The following PDZD7 variants were observed in gnomAD, a reference collection of about 807,000 sequenced individuals.
PDZD7 encodes PDZ domain containing 7, also known as PDZ domain-containing protein 7.
A neutral mutation model predicts 84.7 loss-of-function variants in PDZD7; 72 were observed. The observed-to-expected ratio is 0.85, with a 90% CI of 0.70 to 1.03. The LOEUF (loss-of-function observed/expected upper bound fraction) is 1.03, where lower values mean the gene tolerates loss of function less well. PDZD7 is among the 50% of genes least tolerant of loss of function. The probability of loss-of-function intolerance (pLI) is 0.00; values close to 1 mark genes in which losing one functional copy is unlikely to be tolerated. For missense variants in PDZD7, 1,490 were observed against 1,412.9 expected (o/e 1.05, Z -0.87); for synonymous variants, 594 against 580.7 (o/e 1.02, Z -0.33).
chr10:101,022,627 C>G (rs1432201320), intron 4 of PDZD7, among the ~76,000 whole-genome samples: 1 of 150,000 alleles, frequency 6.7e-6, no homozygotes, highest in Non-Finnish European at 1.5e-5. Context: ...CAGGGTCTTG[C>G]TCTGTCCACC....
Position 101,010,762 on chromosome 10 carries a change from G to A in PDZD7, c.2127C>T (p.His709=), listed in dbSNP as rs1445111982. The change falls in exon 15 of 17, where the codon CAC becomes CAT. Residue 709 remains histidine, a synonymous_variant. Transcript: ENST00000619208. ...GTAGAGGGGGGATCCCTTTATGGGG[G>A]TGGCGAGGGGCAGAGGCACTTGGGG... is the stretch of plus-strand genomic sequence containing the variant. The part of the protein sequence containing the change: ...KVSPSASAPR[H]PHKGIPPLQD... 39 of 1,534,744 alleles carry A rather than the reference G, an allele frequency of 2.5e-5. No individual in the cohort carries two copies. The highest frequency in any genetic ancestry group is 3.2e-5 in the Non-Finnish European group (37 of 1,146,532).
intron 11 of PDZD7, among the ~76,000 whole-genome samples, chr10:101,014,611 C>A (rs1043867180): frequency 6.6e-6 from 1 of 151,892 alleles, no homozygotes; most frequent in Non-Finnish European, 1.5e-5. Context: ...TGCTGCAAAC[C>A]GGGCCTTGAT....
intron 4 of PDZD7, chr10:101,023,152 G>C (rs1410758006): frequency 5.0e-6 from 2 of 398,566 alleles, no homozygotes; most frequent in Admixed American, 7.7e-5. Flanking sequence ...AATCCTTACA[G>C]CACCCCTGTA....
chr10:101,012,236 T>C lies in PDZD7; in HGVS notation c.1772A>G (p.Glu591Gly). 1.3e-6 allele frequency: 2 copies of C among 1,550,322 alleles called. No individual in the cohort carries two copies. The highest frequency in any genetic ancestry group is 1.7e-6 in the Non-Finnish European group (2 of 1,146,980). ...CSRYVHEGGI[E>G]DLVRPLLAIL... ...GGCCAGCAGGGGCCTCACCAGGTCC[T>C]CTATGCCTCCCTCGTGCACATACTG... Residue 591 changes from glutamate (E) to glycine (G), a missense_variant, in exon 12 of 17, where the codon GAG (glutamate) becomes GGG (glycine). Coordinates refer to ENST00000619208, the MANE Select transcript of PDZD7 (RefSeq NM_001195263.2).
At chr10:101,022,081 C>T (rs1472494421) in intron 5 of PDZD7, 128 bp downstream of exon 5, 17 of 1,556,804 alleles carry the variant, frequency 1.1e-5, no homozygotes, top group Middle Eastern at 3.4e-4. Context: ...CCGCCCCCTC[C>T]CAGGCCCTCA....
chr10:101,020,775 C>G, intron 6 of PDZD7, 97 bp from the exon 7 acceptor site: 1 of 866,776 alleles, frequency 1.2e-6, no homozygotes, highest in Non-Finnish European at 1.9e-6. Flanking sequence ...AAACTTTCAA[C>G]TTCATTTCTG....
intron 7 of PDZD7, 55 bp from the exon 8 acceptor site, chr10:101,019,272 G>A (rs1852915822): frequency 6.5e-7 from 1 of 1,532,436 alleles, no homozygotes; most frequent in African/African-American, 1.4e-5. Context: ...GCCCTGCCCG[G>A]CTTGCAGACC....
intron 2 of PDZD7, 96 bp downstream of exon 2, chr10:101,029,898 C>T: frequency 7.7e-7 from 1 of 1,303,752 alleles, no homozygotes; most frequent in Admixed American, 2.0e-5. Flanking sequence ...CTTGAATTCC[C>T]CCAATCATAC....
In PDZD7 at chr10:101,015,690, G is replaced by T. The variant is rs1226238319; in HGVS notation, c.1695C>A (p.Ala565=). Residue 565 remains alanine, a synonymous_variant, in exon 11 of 17, where the codon GCC becomes GCA. Transcript: ENST00000619208. ...CCTCGTCATCAGTCAGCAGCCTCTG[G>T]GCCAGGTCCTGAATGAGGGGCCGCC... The part of the protein sequence containing the change: ...ESRRPLIQDL[A]QRLLTDDEVL... 6.4e-7 allele frequency: 1 copy of T among 1,550,430 alleles called. No individual in the cohort carries two copies. Among genetic ancestry groups the T allele is most frequent in the Non-Finnish European group, 8.7e-7 (1 of 1,146,964 alleles).
chr10:101,027,125 G>A (rs527919904), intron 2 of PDZD7, among the ~76,000 whole-genome samples: 6 of 152,292 alleles, frequency 3.9e-5, no homozygotes, highest in African/African-American at 1.2e-4. Flanking sequence ...CCCAGAGTCA[G>A]CTTTTACATT....
chr10:101,026,327 G>T (rs1488905995), intron 2 of PDZD7, among the ~76,000 whole-genome samples: 1 of 151,978 alleles, frequency 6.6e-6, no homozygotes, highest in Non-Finnish European at 1.5e-5. Context: ...TAGAGACAGG[G>T]TTTCACCATG....
chr10:101,019,048 C>T lies in PDZD7; in HGVS notation c.1098G>A (p.Ala366=), dbSNP rs1044640976. ...PGSRGPGWGR[A]DTAMQTEPDA... ...CGGGCTCCGTCTGCATGGCTGTGTC[C>T]GCCCGCCCCCAGCCTGGGCCGCGGC... The change falls in exon 8 of 17, where the codon GCG becomes GCA. Residue 366 remains alanine (A), a synonymous_variant. Coordinates refer to ENST00000619208, the MANE Select transcript of PDZD7 (RefSeq NM_001195263.2). 2.0e-5 allele frequency: 31 copies of T among 1,573,338 alleles called. No individual in the cohort carries two copies. Among genetic ancestry groups the T allele is most frequent in the Admixed American group, 5.5e-5 (3 of 54,796 alleles).
At chr10:101,024,491 C>A (rs1937596391) in intron 2 of PDZD7, among the ~76,000 whole-genome samples, 1 of 152,174 alleles carries the variant, frequency 6.6e-6, no homozygotes, top group Non-Finnish European at 1.5e-5. Flanking sequence ...AATTCTCCCA[C>A]CTTGGCCTTC....
In PDZD7 at chr10:101,008,914, T is replaced by A. The variant is rs899432332; in HGVS notation, c.2719-64A>T. 13 of 1,441,198 alleles carry A rather than the reference T, an allele frequency of 9.0e-6. No individual in the cohort carries two copies. In the African/African-American group the frequency reaches 1.7e-4, roughly 19 times the overall value. The allele number at this position is 1,441,198 out of a possible 1,614,324, so 89.3% of individuals were successfully genotyped here. On this transcript the variant is annotated intron_variant, in intron 16 of 16. Transcript: ENST00000619208. ...TGTCACCCTGCATCAGCCCCCAACCTGAAGGCAGCATCTTCTCACCTCCAC... is the reference window on the plus strand; with the variant it reads ...TGTCACCCTGCATCAGCCCCCAACCAGAAGGCAGCATCTTCTCACCTCCAC...
intron 8 of PDZD7, 133 bp downstream of exon 8, chr10:101,018,689 G>T: frequency 8.3e-7 from 1 of 1,202,820 alleles, no homozygotes; most frequent in East Asian, 2.6e-5. Context: ...GGTCTGAGCA[G>T]CCTGGAGCTT....
intron 7 of PDZD7, 138 bp from the exon 8 acceptor site, chr10:101,019,355 C>A: frequency 9.1e-7 from 1 of 1,098,912 alleles, no homozygotes. Context: ...GTGAGGAACC[C>A]GCTGCTCCGA....
chr10:101,030,959 C>G (rs956285127), intron 1 of PDZD7, 114 bp downstream of exon 1: 1 of 153,700 alleles, frequency 6.5e-6, no homozygotes, highest in Admixed American at 6.5e-5. Context: ...CACGACATCC[C>G]GCGCAAAACC....
At chr10:101,016,501 C>CAAGCTGGA (rs1852638428) in intron 9 of PDZD7, 74 bp from the exon 10 acceptor site, 2 of 1,470,508 alleles carry the variant, frequency 1.4e-6, no homozygotes, top group South Asian at 2.4e-5. Flanking sequence ...GGGCTCAGGA[C>CAAGCTGGA]AAGCTGGAAT....
At position 101,010,393 on chromosome 10, in the gene PDZD7, C is replaced by T; in HGVS notation, c.2496G>A (p.Lys832=). The T allele has an allele frequency of 6.5e-7, 1 of 1,536,206 alleles. No homozygotes were observed. The highest frequency in any genetic ancestry group is 2.4e-5 in the East Asian group (1 of 40,902). The change falls in exon 15 of 17, where the codon AAG becomes AAA. Residue 832 remains lysine (K), a synonymous_variant. Transcript: ENST00000619208. ...LPRPLDGEAA[K]VGAKQGPSES... is the part of the protein sequence containing the mutation. ...CCGAGGGCCCTTGCTTGGCCCCCAC[C>T]TTGGCTGCCTCCCCATCCAGAGGTC...
Sources: gnomAD v4.1 joint callset for allele counts (sites outside exome capture counted in the v4.1 genomes callset) on GRCh38, gnomAD v4.1.1 for gene constraint, MANE v1.5 for transcripts, NCBI Gene and HGNC (gene_info 2026-07-23, HGNC 2026-07-21) for gene names.